Variants in ERCC3 observed in about 807,000 individuals in gnomAD.
The protein encoded by ERCC3 is general transcription and DNA repair factor IIH helicase/translocase subunit XPB.
Under a neutral mutation model 94.2 loss-of-function variants are expected in ERCC3, and 66 were observed. The ratio of observed to expected loss-of-function variants is 0.70; its 90% CI spans 0.57 to 0.86. ERCC3 has a LOEUF of 0.86. Ranked by LOEUF, ERCC3 falls within the 40% of genes least tolerant of loss-of-function variation. The pLI, the probability that ERCC3 is intolerant of heterozygous loss-of-function variation, is 0.00. For synonymous variants in ERCC3, 349 were observed against 369.1 expected (o/e 0.95, Z 0.63); for missense variants, 829 against 987.1 (o/e 0.84, Z 2.15).
chr2:127,271,489 GAAAA>G lies in ERCC3; in HGVS notation c.1828-40_1828-37del. ...AAGTTGGAAGGTTTTTATATATGAG[GAAAA>G]AAAAAAAGTCAACTGATCCAGAATT... On this transcript the variant is annotated intron_variant, in intron 11 of 14. Transcript: ENST00000285398. The surrounding 1 kb of genome is among the most constrained non-coding windows in gnomAD (Gnocchi z 5.0). 2 of 1,164,496 alleles carry G rather than the reference GAAAA, an allele frequency of 1.7e-6. No homozygotes were observed. Among genetic ancestry groups the G allele is most frequent in the South Asian group, 2.7e-5 (2 of 74,946 alleles). The allele number at this position is 1,164,496 out of a possible 1,614,324, so 72.1% of individuals were successfully genotyped here. A position where few individuals can be genotyped will look rare whatever the true frequency, so the allele number is the denominator to read the frequency against.
At chr2:127,285,943 G>A (rs757262639) in intron 8 of ERCC3, among the ~76,000 whole-genome samples, 1 of 151,870 alleles carries the variant, frequency 6.6e-6, no homozygotes, top group African/African-American at 2.4e-5. Context: ...TTTACAAGGG[G>A]TGATTTTATG....
At chr2:127,276,063 G>A (rs1684728493) in intron 10 of ERCC3, among the ~76,000 whole-genome samples, 1 of 152,206 alleles carries the variant, frequency 6.6e-6, no homozygotes, top group African/African-American at 2.4e-5. Flanking sequence ...GTGGGGCACT[G>A]GAGGCTTATT....
chr2:127,288,810 C>A lies in ERCC3; in HGVS notation c.877G>T (p.Ala293Ser), dbSNP rs142304812. The A allele has an allele frequency of 6.2e-7, 1 of 1,614,084 alleles. No individual in the cohort carries two copies. Among genetic ancestry groups the A allele is most frequent in the Admixed American group, 1.7e-5 (1 of 60,024 alleles). ...RCIHLEYPLL[A>S]EYDFRNDSVN... Reference sequence around the variant, plus strand: ...GAATCATTCCGGAAGTCATATTCTGCCAACAGAGGGTACTCCAGGTGGATG... The same window carrying A: ...GAATCATTCCGGAAGTCATATTCTGACAACAGAGGGTACTCCAGGTGGATG... The change falls in exon 7 of 15, where the codon GCA becomes TCA. Residue 293 changes from alanine (A) to serine (S), a missense_variant. Physicochemically the swap from Ala to Ser is moderately conservative, Grantham distance 99. Coordinates refer to ENST00000285398, the MANE Select transcript of ERCC3 (RefSeq NM_000122.2).
chr2:127,275,999 G>GT (rs540323598), intron 10 of ERCC3, among the ~76,000 whole-genome samples: 37 of 152,322 alleles, frequency 2.4e-4, no homozygotes, highest in African/African-American at 7.5e-4. Flanking sequence ...CTGGCAGTGT[G>GT]TGAGTGTGAG....
Position 127,294,116 on chromosome 2 carries a change from TCCCACAGG to T in ERCC3, c.-43_-36del, listed in dbSNP as rs560474426. 151 of 1,602,282 alleles carry T rather than the reference TCCCACAGG, an allele frequency of 9.4e-5. No individual in the cohort carries two copies. The African/African-American group carries it at 1.9e-3, about 20-fold the overall frequency. On this transcript the variant is annotated 5_prime_UTR_variant, in exon 1 of 15. An upstream open reading frame in the 5' UTR loses its in-frame stop. Coordinates refer to ENST00000285398, the MANE Select transcript of ERCC3 (RefSeq NM_000122.2). ...AGCAGCAGAGAGAAGATGACCCCGC[TCCCACAGG>T]CCCGCCGCGGCATCCGCTCTGGGGG...
At position 127,280,493 on chromosome 2, in the gene ERCC3, A is replaced by C; in HGVS notation, c.1481T>G (p.Met494Arg). The C allele has an allele frequency of 6.2e-7, 1 of 1,613,906 alleles. No homozygotes were observed. The highest frequency in any genetic ancestry group is 8.5e-7 in the Non-Finnish European group (1 of 1,179,968). The change falls in exon 9 of 15, where the codon ATG (methionine) becomes AGG (arginine). Residue 494 changes from methionine (M) to arginine (R), a missense_variant. Coordinates refer to ENST00000285398, the MANE Select transcript of ERCC3 (RefSeq NM_000122.2). This position sits in a 1 kb window ranked among gnomAD's most constrained non-coding sequence, Gnocchi z 6.3. ...IGPKLYEANW[M>R]ELQNNGYIAK... is the part of the protein sequence containing the mutation. ...GATGTAGCCATTATTCTGCAGCTCC[A>C]TCCAGTTGGCTTCGTAGAGCTTAGG...
chr2:127,275,399 A>C (rs924207258), intron 10 of ERCC3, among the ~76,000 whole-genome samples: 2 of 152,200 alleles, frequency 1.3e-5, no homozygotes, highest in Non-Finnish European at 2.9e-5. Context: ...AAGGCCAGAG[A>C]CACAAAAAAA....
intron 6 of ERCC3, among the ~76,000 whole-genome samples, chr2:127,289,101 T>C (rs1685178279): frequency 6.6e-6 from 1 of 152,012 alleles, no homozygotes; most frequent in South Asian, 2.1e-4. Flanking sequence ...ATTTCTCACA[T>C]CTCCTCAGGA....
intron 6 of ERCC3, 93 bp from the exon 7 acceptor site, chr2:127,288,957 A>G: frequency 9.3e-7 from 1 of 1,074,270 alleles, no homozygotes; most frequent in Non-Finnish European, 1.4e-6. Flanking sequence ...AAAAAGTGGC[A>G]TTCTATCTAA....
rs772222570 is a variant in ERCC3, at chr2:127,280,471, G to A, written c.1503C>T (p.Tyr501=). ...ANWMELQNNG[Y]IAKVQCAEVW... ...CCTCAGCACACTGGACTTTGGCGAT[G>A]TAGCCATTATTCTGCAGCTCCATCC... The change falls in exon 9 of 15, where the codon TAC becomes TAT. Residue 501 remains tyrosine (Y), a synonymous_variant. Coordinates refer to ENST00000285398, the MANE Select transcript of ERCC3 (RefSeq NM_000122.2). The surrounding 1 kb of genome is among the most constrained non-coding windows in gnomAD (Gnocchi z 6.3). The A allele has an allele frequency of 2.5e-6, 4 of 1,612,594 alleles. No homozygotes were observed. Among genetic ancestry groups the A allele is most frequent in the Non-Finnish European group, 3.4e-6 (4 of 1,179,620 alleles).
chr2:127,278,727 G>A (rs924671623), intron 10 of ERCC3, among the ~76,000 whole-genome samples: 2 of 152,224 alleles, frequency 1.3e-5, no homozygotes, highest in Non-Finnish European at 2.9e-5. Context: ...AGGATACTGC[G>A]TGGGCATTTC....
In ERCC3 at chr2:127,291,432, G is replaced by T. The variant is rs4150410; in HGVS notation, c.472-1159C>A. ...CCACCACCATGCCTGGCGAATTTTT[G>T]TATTTTTAGTAGAGACAGGAATTTC... is the stretch of plus-strand genomic sequence containing the variant. On this transcript the variant is annotated intron_variant, in intron 3 of 14. Coordinates refer to ENST00000285398, the MANE Select transcript of ERCC3 (RefSeq NM_000122.2). The surrounding 1 kb of genome is among the most constrained non-coding windows in gnomAD (Gnocchi z 4.9). 1.1e-3 allele frequency among the ~76,000 whole-genome samples: 168 copies of T among 152,206 alleles called. 2 individuals are homozygous for T. Among genetic ancestry groups the T allele is most frequent in the African/African-American group, 4.0e-3 (165 of 41,536 alleles).
In ERCC3 at chr2:127,289,332, C is replaced by T. The variant is rs1205510054; in HGVS notation, c.822+5G>A. The T allele has an allele frequency of 2.5e-6, 4 of 1,613,678 alleles. No individual in the cohort carries two copies. Among genetic ancestry groups the T allele is most frequent in the African/African-American group, 1.3e-5 (1 of 75,046 alleles). On this transcript the variant is annotated splice_donor_5th_base_variant and intron_variant, in intron 6 of 14. Transcript: ENST00000285398. ...AGGAACCAGGAGGAAGGTACATTCACTAACCTGCTTGACTTCAAAAGACAC... is the reference window on the plus strand; with the variant it reads ...AGGAACCAGGAGGAAGGTACATTCATTAACCTGCTTGACTTCAAAAGACAC...
rs1685158471 is a variant in ERCC3, at chr2:127,288,594, G to A, written c.1027+66C>T. ...ATTTAGGGAAATGTGCAGAGAGAAA[G>A]CGGGAGGCAGCTGGCAGATCCAGAC... On this transcript the variant is annotated intron_variant, in intron 7 of 14. Coordinates refer to ENST00000285398, the MANE Select transcript of ERCC3 (RefSeq NM_000122.2). 1.0e-5 allele frequency: 14 copies of A among 1,339,350 alleles called. No individual in the cohort carries two copies. In the South Asian group the frequency reaches 1.5e-4, roughly 15 times the overall value. The allele number at this position is 1,339,350 out of a possible 1,614,324, so 83.0% of individuals were successfully genotyped here.
At chr2:127,278,684 G>T (rs2104758883) in intron 10 of ERCC3, among the ~76,000 whole-genome samples, 1 of 152,330 alleles carries the variant, frequency 6.6e-6, no homozygotes, top group Middle Eastern at 3.4e-3. Context: ...CAGGTTTTAA[G>T]CACAAATATT....
At chr2:127,281,515 T>C (rs761998013) in intron 8 of ERCC3, among the ~76,000 whole-genome samples, 7 of 152,208 alleles carry the variant, frequency 4.6e-5, no homozygotes, top group Admixed American at 6.6e-5. Flanking sequence ...GGCTCACCTT[T>C]TAAAAATTCT....
intron 6 of ERCC3, 129 bp downstream of exon 6, chr2:127,289,208 A>G (rs1685181958): frequency 2.4e-6 from 2 of 820,970 alleles, no homozygotes; most frequent in Admixed American, 3.9e-5. Flanking sequence ...AATAAAAAGG[A>G]GAAAGCAATT....
chr2:127,266,864 A>G (rs1307297880), intron 12 of ERCC3, among the ~76,000 whole-genome samples: 1 of 151,584 alleles, frequency 6.6e-6, no homozygotes, highest in Non-Finnish European at 1.5e-5. Context: ...CTACAGGCGC[A>G]TGCCGCCACA....
chr2:127,280,446 C>T lies in ERCC3; in HGVS notation c.1527+1G>A. On this transcript the variant is annotated splice_donor_variant, in intron 9 of 14. Coordinates refer to ENST00000285398, the MANE Select transcript of ERCC3 (RefSeq NM_000122.2). LOFTEE classifies it high-confidence loss of function. The surrounding 1 kb of genome is among the most constrained non-coding windows in gnomAD (Gnocchi z 6.3). ...GACGCCCCCAGCCCAGGCCCAGCTA[C>T]CTCAGCACACTGGACTTTGGCGATG... 6.2e-7 allele frequency: 1 copy of T among 1,610,852 alleles called. No individual in the cohort carries two copies. The highest frequency in any genetic ancestry group is 8.5e-7 in the Non-Finnish European group (1 of 1,178,752).
Sources: gnomAD v4.1 joint callset for allele counts (sites outside exome capture counted in the v4.1 genomes callset) on GRCh38, gnomAD v4.1.1 for gene constraint, Gnocchi (gnomAD v3.1) non-coding constraint, MANE v1.5 for transcripts, NCBI Gene and HGNC (gene_info 2026-07-23, HGNC 2026-07-21) for gene names.